VGLL4: variants seen among roughly 807,000 people sequenced by gnomAD.
The protein encoded by VGLL4 is transcription cofactor vestigial-like protein 4.
In VGLL4, 7 loss-of-function variants were observed where a neutral mutation model predicts 21.0. The ratio of observed to expected loss-of-function variants is 0.33; its 90% CI spans 0.19 to 0.63. The LOEUF (loss-of-function observed/expected upper bound fraction) is 0.63. Among genes scored for constraint, VGLL4 ranks in the 20% least tolerant of loss-of-function variants. The pLI is 0.78. For synonymous variants in VGLL4, 222 were observed against 173.2 expected (o/e 1.28, Z -2.21); for missense variants, 394 against 425.7 (o/e 0.93, Z 0.66).
chr3:11,562,429 G>A (rs2073105081), intron 3 of VGLL4, among the ~76,000 whole-genome samples: 1 of 152,130 alleles, frequency 6.6e-6, no homozygotes, highest in Non-Finnish European at 1.5e-5. Flanking sequence ...ACCCCACAGG[G>A]CTGCAGCATG....
intron 2 of VGLL4, among the ~76,000 whole-genome samples, chr3:11,591,265 T>C (rs1049079585): frequency 7.2e-5 from 11 of 152,224 alleles, no homozygotes; most frequent in Admixed American, 1.3e-4. Flanking sequence ...CGTCCTCTAA[T>C]AGGCGTTCCT....
intron 2 of VGLL4, among the ~76,000 whole-genome samples, chr3:11,573,695 C>T (rs914455314): frequency 1.1e-4 from 17 of 152,220 alleles, no homozygotes; most frequent in Admixed American, 9.2e-4. Flanking sequence ...CAGTTACCAG[C>T]GCAGTTGAGC....
chr3:11,559,891 A>C (rs1440126666), intron 3 of VGLL4, among the ~76,000 whole-genome samples: 2 of 148,096 alleles, frequency 1.4e-5, no homozygotes, highest in African/African-American at 5.3e-5. Flanking sequence ...ATACACGGCA[A>C]TTAACTGGAA....
At chr3:11,585,648 T>A (rs1575417645) in intron 2 of VGLL4, among the ~76,000 whole-genome samples, 2 of 152,156 alleles carry the variant, frequency 1.3e-5, no homozygotes, top group East Asian at 3.9e-4. Flanking sequence ...ACTGCTGGAA[T>A]TGTTGGCTAG....
chr3:11,560,063 C>T (rs143399248), intron 3 of VGLL4, among the ~76,000 whole-genome samples: 1 of 152,214 alleles, frequency 6.6e-6, no homozygotes, highest in African/African-American at 2.4e-5. Flanking sequence ...TTCACCCCCA[C>T]CCCCACGCTG....
chr3:11,666,964 T>A (rs1479724285), intron 2 of VGLL4, among the ~76,000 whole-genome samples: 1 of 152,174 alleles, frequency 6.6e-6, no homozygotes, highest in Admixed American at 6.5e-5. Context: ...CGCTTCCTCA[T>A]TCCACACACC....
intron 2 of VGLL4, among the ~76,000 whole-genome samples, chr3:11,661,779 A>G (rs562103247): frequency 6.6e-6 from 1 of 152,194 alleles, no homozygotes; most frequent in South Asian, 2.1e-4. Context: ...GCCTGAACCA[A>G]TATTTCTCTA....
intron 2 of VGLL4, among the ~76,000 whole-genome samples, chr3:11,661,830 A>G (rs1176396463): frequency 1.3e-5 from 2 of 152,222 alleles, no homozygotes; most frequent in Non-Finnish European, 2.9e-5. Flanking sequence ...TGAAACAGGA[A>G]CTCAAATAAG....
chr3:11,643,515 G>A lies in VGLL4; in HGVS notation c.4C>T (p.Leu2=), dbSNP rs746035500. 6.2e-7 allele frequency: 1 copy of A among 1,613,984 alleles called. No homozygotes were observed. Among genetic ancestry groups the A allele is most frequent in the East Asian group, 2.2e-5 (1 of 44,890 alleles). The change falls in exon 1 of 5, where the codon CTA becomes TTA. Residue 2 remains leucine, a synonymous_variant. Coordinates refer to ENST00000430365, the MANE Select transcript of VGLL4 (RefSeq NM_001128219.3). M[L]FMKMDLLNYQ... ...TTCAACAGGTCCATCTTCATAAATA[G>A]CATTTATTGGGCTAGCAAAGAAAAC...
chr3:11,705,052 G>A (rs1361278896), intron 1 of VGLL4, among the ~76,000 whole-genome samples: 1 of 152,192 alleles, frequency 6.6e-6, no homozygotes, highest in African/African-American at 2.4e-5. Context: ...GAAAGTAAGC[G>A]ACAAGGTTGG....
chr3:11,628,416 A>G (rs889018544), intron 1 of VGLL4, among the ~76,000 whole-genome samples: 3 of 152,138 alleles, frequency 2.0e-5, no homozygotes, highest in African/African-American at 7.2e-5. Context: ...AAGAAAAGAA[A>G]CATCGAATTG....
At chr3:11,681,731 C>T (rs1293233969) in intron 2 of VGLL4, among the ~76,000 whole-genome samples, 1 of 152,180 alleles carries the variant, frequency 6.6e-6, no homozygotes, top group Non-Finnish European at 1.5e-5. Context: ...GGCACAGATG[C>T]CTCAGGCTCA....
chr3:11,622,977 G>C (rs139519389), intron 1 of VGLL4, among the ~76,000 whole-genome samples: 1 of 152,042 alleles, frequency 6.6e-6, no homozygotes, highest in Non-Finnish European at 1.5e-5. Flanking sequence ...TTACATACTT[G>C]GTATTTGAGC....
intron 2 of VGLL4, among the ~76,000 whole-genome samples, chr3:11,676,407 A>AT (rs1171055184): frequency 2.5e-4 from 14 of 55,300 alleles, no homozygotes; most frequent in East Asian, 1.5e-3. Context: ...AAAAAAAAAA[A>AT]AAATAAAATA....
At chr3:11,644,014 A>T (rs1036518496), upstream of VGLL4, 19 of 984,184 alleles carry the variant, frequency 1.9e-5, no homozygotes, top group Non-Finnish European at 4.8e-6. Context: ...TCTGCACAGG[A>T]TCAGCCTCTC....
At chr3:11,640,614 A>T (rs527471968) in intron 1 of VGLL4, among the ~76,000 whole-genome samples, 1 of 152,116 alleles carries the variant, frequency 6.6e-6, no homozygotes, top group Non-Finnish European at 1.5e-5. Flanking sequence ...CCCACCCCAA[A>T]CCTGCTAATT....
At chr3:11,585,470 T>C (rs982518433) in intron 2 of VGLL4, among the ~76,000 whole-genome samples, 7 of 151,000 alleles carry the variant, frequency 4.6e-5, no homozygotes, top group African/African-American at 1.7e-4. Context: ...GGAGAGAGAC[T>C]TCAATGGAGC....
intron 2 of VGLL4, among the ~76,000 whole-genome samples, chr3:11,664,619 C>T (rs544226258): frequency 4.6e-5 from 7 of 152,270 alleles, no homozygotes; most frequent in South Asian, 2.1e-4. Flanking sequence ...GGCTGAATAA[C>T]GTGGGACTGT....
At chr3:11,667,725 C>T (rs2125363223) in intron 2 of VGLL4, among the ~76,000 whole-genome samples, 1 of 152,180 alleles carries the variant, frequency 6.6e-6, no homozygotes, top group East Asian at 1.9e-4. Context: ...TTTAAAACTC[C>T]CCCAGTATCA....
Sources: gnomAD v4.1 joint callset for allele counts (sites outside exome capture counted in the v4.1 genomes callset) on GRCh38, gnomAD v4.1.1 for gene constraint, MANE v1.5 for transcripts, NCBI Gene and HGNC (gene_info 2026-07-23, HGNC 2026-07-21) for gene names.